Variants in SGK2 observed in about 807,000 individuals in gnomAD.
The protein encoded by SGK2 is serum/glucocorticoid regulated kinase 2, also known as serine/threonine-protein kinase Sgk2.
A neutral mutation model predicts 47.5 loss-of-function variants in SGK2; 36 were observed. The ratio of observed to expected loss-of-function variants is 0.76; its 90% CI spans 0.58 to 1.00. SGK2 has a LOEUF of 1.00. Ranked by LOEUF, SGK2 falls within the 50% of genes least tolerant of loss-of-function variation. The probability of loss-of-function intolerance (pLI) is 0.00; values close to 1 mark genes in which losing one functional copy is unlikely to be tolerated. For missense variants in SGK2, 404 were observed against 467.4 expected (o/e 0.86, Z 1.25); for synonymous variants, 157 against 181.9 (o/e 0.86, Z 1.10).
chr20:43,583,171 T>A (rs1403952029), intron 12 of SGK2: 1 of 1,280,090 alleles, frequency 7.8e-7, no homozygotes, highest in East Asian at 5.6e-5. Flanking sequence ...CTTTGGGCAC[T>A]GGATCAGATA....
At chr20:43,566,324 G>A in intron 1 of SGK2, 149 bp from the exon 2 acceptor site, 1 of 1,610,924 alleles carries the variant, frequency 6.2e-7, no homozygotes. Flanking sequence ...CCATGCAGGG[G>A]TTGCTTACCT....
At chr20:43,574,862 C>T in intron 9 of SGK2, 47 bp from the exon 10 acceptor site, 1 of 1,471,980 alleles carries the variant, frequency 6.8e-7, no homozygotes, top group Non-Finnish European at 9.5e-7. Context: ...GCTGGGGCAA[C>T]TGAGGCTTAA....
intron 1 of SGK2, among the ~76,000 whole-genome samples, chr20:43,562,977 A>C (rs8121356): frequency 0.042 from 6,356 of 152,054 alleles, 201 homozygotes; most frequent in Non-Finnish European, 0.063. Context: ...TACTTAAAAA[A>C]ATACAAAAAT....
rs1460299750 is a variant in SGK2, at chr20:43,570,680, G to A, written c.424G>A (p.Glu142Lys). Residue 142 changes from glutamate (E) to lysine (K), a missense_variant, in exon 7 of 13, where the codon GAG becomes AAG. Physicochemically the swap from Glu to Lys is moderately conservative, Grantham distance 56. Coordinates refer to ENST00000373100, the MANE Select transcript of SGK2 (RefSeq NM_170693.3). ...LEPRARFYAA[E>K]VASAIGYLHS... ...GCCCCGGGCCAGGTTCTACGCTGCTGAGGTGGCCAGCGCCATTGGCTACCT... is the reference window on the plus strand; with the variant it reads ...GCCCCGGGCCAGGTTCTACGCTGCTAAGGTGGCCAGCGCCATTGGCTACCT... The A allele has an allele frequency of 6.2e-7, 1 of 1,613,652 alleles. No individual in the cohort carries two copies. Among genetic ancestry groups the A allele is most frequent in the Non-Finnish European group, 8.5e-7 (1 of 1,179,618 alleles).
rs1215143890 is a variant in SGK2, at chr20:43,566,464, T to G, written c.-23-9T>G. On this transcript the variant is annotated splice_polypyrimidine_tract_variant and intron_variant, in intron 1 of 12. Coordinates refer to ENST00000373100, the MANE Select transcript of SGK2 (RefSeq NM_170693.3). Reference sequence around the variant, plus strand: ...ACTCTCTCATGCCTGCTCCTCCCTGTCCCCCCAGAGCTGCCTGATCATTGC... The same window carrying G: ...ACTCTCTCATGCCTGCTCCTCCCTGGCCCCCCAGAGCTGCCTGATCATTGC... 10 of 1,613,770 alleles carry G rather than the reference T, an allele frequency of 6.2e-6. No homozygotes were observed. Among genetic ancestry groups the G allele is most frequent in the Admixed American group, 5.0e-5 (3 of 59,966 alleles).
At chr20:43,583,922 A>T (rs994604155) in intron 12 of SGK2, among the ~76,000 whole-genome samples, 12 of 152,200 alleles carry the variant, frequency 7.9e-5, no homozygotes, top group Non-Finnish European at 1.8e-4. Flanking sequence ...TGATCATGCC[A>T]GTGCACTCCA....
chr20:43,567,405 C>T (rs533028990), intron 3 of SGK2, among the ~76,000 whole-genome samples: 17 of 152,330 alleles, frequency 1.1e-4, no homozygotes, highest in African/African-American at 3.8e-4. Flanking sequence ...TGCAGGCCTT[C>T]TGTGCAGTAT....
chr20:43,566,701 T>C (rs546551328), intron 2 of SGK2, among the ~76,000 whole-genome samples, 170 bp downstream of exon 2: 31 of 152,208 alleles, frequency 2.0e-4, no homozygotes, highest in African/African-American at 7.2e-4. Context: ...GGCTTCAAGA[T>C]GAACTGGAAA....
intron 1 of SGK2, among the ~76,000 whole-genome samples, chr20:43,560,196 A>G (rs1979298758): frequency 1.3e-5 from 2 of 152,166 alleles, no homozygotes; most frequent in Admixed American, 1.3e-4. Flanking sequence ...CAATAGTACA[A>G]AGATAAAAGT....
rs891733930 is a variant in SGK2 at position 43,561,829 on chromosome 20, G to T, written c.-24+2670G>T. ...GTAGTGGGTAAATGGAGAAGCAGGG[G>T]TCAGTGGAGAAGCCATTGCAATAAT... On this transcript the variant is annotated intron_variant, in intron 1 of 12. Transcript: ENST00000373100. Among the ~76,000 whole-genome samples the T allele has an allele frequency of 3.3e-5, 5 of 151,828 alleles. 1 individual carries two copies. The South Asian group carries it at 6.2e-4, about 19-fold the overall frequency.
intron 12 of SGK2, chr20:43,583,245 G>A (rs370421391): frequency 7.8e-7 from 1 of 1,289,776 alleles, no homozygotes. Context: ...AGACAGTGAA[G>A]ATAATGTCGA....
intron 1 of SGK2, 48 bp from the exon 2 acceptor site, chr20:43,566,425 A>AC (rs750160588): frequency 1.2e-6 from 2 of 1,613,290 alleles, no homozygotes; most frequent in African/African-American, 1.3e-5. Flanking sequence ...GGCGGAGCTG[A>AC]CCCCCCAACA....
chr20:43,561,174 C>G (rs951193685), intron 1 of SGK2, among the ~76,000 whole-genome samples: 3 of 152,188 alleles, frequency 2.0e-5, no homozygotes, highest in South Asian at 4.2e-4. Context: ...TGGAAAACAG[C>G]CATGCAGGTG....
rs1004918498 is a variant in SGK2 at position 43,572,359 on chromosome 20, C to G, written c.597+222C>G. On this transcript the variant is annotated intron_variant, in intron 9 of 12. Transcript: ENST00000373100. The surrounding 1 kb of genome is among the most constrained non-coding windows in gnomAD (Gnocchi z 4.2). ...GCTAGCTGCTGGTGAAGCTCTACTGCAGTGCTATCCAGTAGAAATAGAAAT... is the reference window on the plus strand; with the variant it reads ...GCTAGCTGCTGGTGAAGCTCTACTGGAGTGCTATCCAGTAGAAATAGAAAT... Among the ~76,000 whole-genome samples the G allele has an allele frequency of 3.3e-5, 5 of 152,220 alleles. No homozygotes were observed. Among genetic ancestry groups the G allele is most frequent in the Non-Finnish European group, 7.3e-5 (5 of 68,038 alleles).
chr20:43,573,675 T>C (rs1600994882), intron 9 of SGK2, among the ~76,000 whole-genome samples: 1 of 152,108 alleles, frequency 6.6e-6, no homozygotes, highest in Non-Finnish European at 1.5e-5. Flanking sequence ...TTTTTCTCCA[T>C]ATGCTTGAAA....
intron 4 of SGK2, 96 bp from the exon 5 acceptor site, chr20:43,567,820 A>G: frequency 2.6e-6 from 4 of 1,547,788 alleles, no homozygotes; most frequent in Non-Finnish European, 3.6e-6. Flanking sequence ...GAGCACTCGC[A>G]CCTGCAGACA....
intron 9 of SGK2, among the ~76,000 whole-genome samples, chr20:43,573,489 CAAAAAA>C (rs5841511): frequency 9.0e-6 from 1 of 111,380 alleles, no homozygotes. Context: ...GACTCTGTCT[CAAAAAA>C]AAAAAAAAAA....
intron 5 of SGK2, among the ~76,000 whole-genome samples, 185 bp from the exon 6 acceptor site, chr20:43,569,200 G>A (rs1979940502): frequency 6.6e-6 from 1 of 152,150 alleles, no homozygotes; most frequent in African/African-American, 2.4e-5. Context: ...CCTGAGCCCT[G>A]AATACTAAGG....
At chr20:43,575,135 C>A in intron 10 of SGK2, 131 bp downstream of exon 10, 1 of 632,014 alleles carries the variant, frequency 1.6e-6, no homozygotes, top group Non-Finnish European at 2.9e-6. Flanking sequence ...AAGATAACGC[C>A]AAGGTGAATA....
Sources: allele counts gnomAD v4.1 joint callset (sites outside exome capture counted in the v4.1 genomes callset), GRCh38; gene constraint gnomAD v4.1.1; non-coding constraint Gnocchi (gnomAD v3.1); transcripts MANE v1.5; gene names NCBI Gene and HGNC (gene_info 2026-07-23, HGNC 2026-07-21).